GATA6: variants seen among roughly 807,000 people sequenced by gnomAD.
GATA6 encodes transcription factor GATA-6.
GATA6 carries 11 observed loss-of-function variants against 48.1 expected under a neutral mutation model. The ratio of observed to expected loss-of-function variants is 0.23; its 90% CI spans 0.14 to 0.38. The LOEUF is 0.38. GATA6 is among the 10% of genes least tolerant of loss of function. The pLI is 1.00. For missense variants in GATA6, 795 were observed against 850.3 expected, an observed-to-expected ratio of 0.93 and a Z score of 0.81; for synonymous variants, 419 against 396.1, an observed-to-expected ratio of 1.06 and a Z score of -0.69.
At position 22,197,623 on chromosome 18, in the gene GATA6, T is replaced by G. The variant is rs145312591; in HGVS notation, c.1621-3033T>G. ...CAATAGCTTCCCTTTACGGAATGTT[T>G]AACATGGCAAGGCACCTTGCCTTCG... On this transcript the variant is annotated intron_variant, in intron 6 of 6. Coordinates refer to ENST00000269216, the MANE Select transcript of GATA6 (RefSeq NM_005257.6). 2.4e-3 allele frequency among the ~76,000 whole-genome samples: 368 copies of G among 152,332 alleles called. 2 individuals carry two copies. Among genetic ancestry groups the G allele is most frequent in the African/African-American group, 8.5e-3 (354 of 41,588 alleles).
At position 22,202,107 on chromosome 18, in the gene GATA6, T is replaced by C. The variant is rs1457442280; in HGVS notation, c.*1284T>C. 2.6e-5 allele frequency: 4 copies of C among 152,204 alleles called. No homozygotes were observed. Among genetic ancestry groups the C allele is most frequent in the Non-Finnish European group, 5.9e-5 (4 of 68,030 alleles). 9.4% of individuals were successfully genotyped at this position (152,204 alleles called of 1,614,324 possible). On this transcript the variant is annotated 3_prime_UTR_variant, in exon 7 of 7. Transcript: ENST00000269216. ...AGGCCTTCCTTTCAAAGCATAGTCC[T>C]TTTGGAGCCGTTTTGTACCTTTTAT...
chr18:22,201,084 G>A lies in GATA6; in HGVS notation c.*261G>A, dbSNP rs2033457576. ...GACCCTGCTCCACTTCCAGAAGCCA[G>A]GACTAGGACCTGGGCCTTGCCTGCT... is the stretch of plus-strand genomic sequence containing the variant. On this transcript the variant is annotated 3_prime_UTR_variant, in exon 7 of 7. Transcript: ENST00000269216. The A allele has an allele frequency of 1.8e-6, 1 of 559,672 alleles. No individual in the cohort carries two copies. The highest frequency in any genetic ancestry group is 3.1e-5 in the Admixed American group (1 of 32,334). 34.7% of individuals were successfully genotyped at this position (559,672 alleles called of 1,614,324 possible).
At chr18:22,174,314 A>G (rs995444461) in intron 2 of GATA6, among the ~76,000 whole-genome samples, 1 of 152,202 alleles carries the variant, frequency 6.6e-6, no homozygotes, top group Non-Finnish European at 1.5e-5. Flanking sequence ...CCAATCTTCC[A>G]GCATTTCATA....
chr18:22,184,184 C>T (rs1018211088), intron 6 of GATA6, among the ~76,000 whole-genome samples: 11 of 152,110 alleles, frequency 7.2e-5, no homozygotes, highest in Non-Finnish European at 1.6e-4. Context: ...CTTTAACAAA[C>T]AAAAATTAAA....
intron 6 of GATA6, among the ~76,000 whole-genome samples, chr18:22,186,634 G>C (rs752419134): frequency 3.3e-5 from 5 of 152,254 alleles, no homozygotes; most frequent in Admixed American, 6.5e-5. Context: ...TTGTGGAAGG[G>C]GTCTATCGTG....
Position 22,172,269 on chromosome 18 carries a change from T to A in GATA6, c.1125T>A (p.Gly375=), listed in dbSNP as rs1203711555. Residue 375 remains glycine, a synonymous_variant, in exon 2 of 7, where the codon GGT becomes GGA. Transcript: ENST00000269216. The surrounding 1 kb of genome is among the most constrained non-coding windows in gnomAD (Gnocchi z 5.2). ...GAGCCCCGCTCCCGGTGCCCCGGGG[T>A]CCCAGTGCAGGTAAGGGTCGCGCCT... ...RAGAPLPVPR[G]PSADLLEDLS... 8.5e-6 allele frequency: 13 copies of A among 1,532,884 alleles called. No homozygotes were observed. Among genetic ancestry groups the A allele is most frequent in the Admixed American group, 3.9e-5 (2 of 50,938 alleles). 95.0% of individuals were successfully genotyped at this position (1,532,884 alleles called of 1,614,324 possible). A position where few individuals can be genotyped will look rare whatever the true frequency, so the allele number is the denominator to read the frequency against.
chr18:22,181,599 A>G, intron 4 of GATA6, 21 bp downstream of exon 4: 1 of 1,613,648 alleles, frequency 6.2e-7, no homozygotes, highest in Non-Finnish European at 8.5e-7. Context: ...TATTCTGCTC[A>G]CTTGTATATA....
chr18:22,202,090 C>T lies in GATA6; in HGVS notation c.*1267C>T, dbSNP rs1364414851. 6.6e-6 allele frequency: 1 copy of T among 152,176 alleles called. No individual in the cohort carries two copies. The highest frequency in any genetic ancestry group is 2.4e-5 in the African/African-American group (1 of 41,434). The allele number at this position is 152,176 out of a possible 1,614,324, so 9.4% of individuals were successfully genotyped here. Reference sequence around the variant, plus strand: ...GTTTGCAAAATGCTTTAAGGCCTTCCTTTCAAAGCATAGTCCTTTTGGAGC... The same window carrying T: ...GTTTGCAAAATGCTTTAAGGCCTTCTTTTCAAAGCATAGTCCTTTTGGAGC... On this transcript the variant is annotated 3_prime_UTR_variant, in exon 7 of 7. Transcript: ENST00000269216.
chr18:22,199,700 T>C (rs2385473), intron 6 of GATA6, among the ~76,000 whole-genome samples: 83,479 of 151,372 alleles, frequency 0.55, 23,255 homozygotes, highest in African/African-American at 0.61. Flanking sequence ...GTCAGGAGTT[T>C]GAGACCAGCC....
intron 2 of GATA6, among the ~76,000 whole-genome samples, chr18:22,173,303 C>T (rs1333840392): frequency 1.3e-5 from 2 of 152,150 alleles, no homozygotes; most frequent in East Asian, 3.9e-4. Flanking sequence ...GTTTGATAAT[C>T]TTTCTAAGGA....
intron 3 of GATA6, among the ~76,000 whole-genome samples, chr18:22,177,471 TAATC>T (rs2033137945): frequency 6.6e-6 from 1 of 151,852 alleles, no homozygotes; most frequent in Admixed American, 6.6e-5. Flanking sequence ...AAAGAAAAAA[TAATC>T]TATATATCTC....
In GATA6 at chr18:22,177,063, G is replaced by A. The variant is rs1490981624; in HGVS notation, c.1244G>A (p.Gly415Glu). ...GTGHYLCNAC[G>E]LYSKMNGLSR... Reference sequence around the variant, plus strand: ...GGCCACTACCTGTGCAACGCCTGCGGGCTCTACAGCAAGATGAACGGCCTC... The same window carrying A: ...GGCCACTACCTGTGCAACGCCTGCGAGCTCTACAGCAAGATGAACGGCCTC... The change falls in exon 3 of 7, where the codon GGG becomes GAG. Residue 415 changes from glycine to glutamate, a missense_variant. This residue lies in a region of GATA6 where 76 missense variants were observed against 113.1 expected (regional missense o/e 0.67). Transcript: ENST00000269216. 1 of 1,574,150 alleles carries A rather than the reference G, an allele frequency of 6.4e-7. No homozygotes were observed. The highest frequency in any genetic ancestry group is 2.3e-5 in the East Asian group (1 of 42,606).
chr18:22,191,240 C>T (rs2033325445), intron 6 of GATA6, among the ~76,000 whole-genome samples: 1 of 152,104 alleles, frequency 6.6e-6, no homozygotes, highest in Admixed American at 6.6e-5. Context: ...TTATCACTAT[C>T]TGATAGCCAG....
At position 22,177,119 on chromosome 18, in the gene GATA6, G is replaced by T. The variant is rs1177329444; in HGVS notation, c.1300G>T (p.Val434Leu). 3 of 1,547,458 alleles carry T rather than the reference G, an allele frequency of 1.9e-6. No homozygotes were observed. The highest frequency in any genetic ancestry group is 2.0e-5 in the Admixed American group (1 of 51,204). Reference protein sequence around the residue: ...SRPLIKPQKRVPSSRRLGLSC... With the variant: ...SRPLIKPQKRLPSSRRLGLSC... Reference sequence around the variant, plus strand: ...GCCCCTCATCAAGCCGCAGAAGCGCGTGGTGAGTGTGACCCGCCCTGCCCC... The same window carrying T: ...GCCCCTCATCAAGCCGCAGAAGCGCTTGGTGAGTGTGACCCGCCCTGCCCC... The change falls in exon 3 of 7, where the codon GTG becomes TTG. Residue 434 changes from valine to leucine, a missense_variant and splice_region_variant. Transcript: ENST00000269216.
intron 6 of GATA6, among the ~76,000 whole-genome samples, chr18:22,186,832 C>T (rs1172591834): frequency 6.6e-6 from 1 of 152,154 alleles, no homozygotes; most frequent in African/African-American, 2.4e-5. Flanking sequence ...TTCATGAGAC[C>T]TGTGTCTGGG....
intron 6 of GATA6, among the ~76,000 whole-genome samples, chr18:22,196,348 AAGAC>A (rs1165730813): frequency 2.0e-5 from 3 of 152,348 alleles, no homozygotes; most frequent in Admixed American, 2.0e-4. Context: ...GTCTGAAAAA[AAGAC>A]AGGTTATTTT....
At chr18:22,180,677 CTT>C (rs201442589) in intron 3 of GATA6, among the ~76,000 whole-genome samples, 7 of 146,960 alleles carry the variant, frequency 4.8e-5, no homozygotes, top group South Asian at 2.2e-4. Flanking sequence ...AAATATATTT[CTT>C]TTTTTTTTTT....
Position 22,201,018 on chromosome 18 carries a change from C to A in GATA6, c.*195C>A. 1.3e-6 allele frequency: 1 copy of A among 747,586 alleles called. No individual in the cohort carries two copies. The highest frequency in any genetic ancestry group is 2.1e-6 in the Non-Finnish European group (1 of 471,310). The allele number at this position is 747,586 out of a possible 1,614,324, so 46.3% of individuals were successfully genotyped here. A position where few individuals can be genotyped will look rare whatever the true frequency, so the allele number is the denominator to read the frequency against. ...AGATGGAAGGGAAGGGCCAGTGCAA[C>A]TGGGCGCTTGGGCCACTCCAGCCAG... On this transcript the variant is annotated 3_prime_UTR_variant, in exon 7 of 7. Coordinates refer to ENST00000269216, the MANE Select transcript of GATA6 (RefSeq NM_005257.6).
intron 3 of GATA6, among the ~76,000 whole-genome samples, chr18:22,178,119 G>T (rs1016508149): frequency 6.6e-6 from 1 of 151,684 alleles, no homozygotes; most frequent in South Asian, 2.1e-4. Flanking sequence ...GTGCCACCAC[G>T]CCCGGCTCAT....
Sources: allele counts gnomAD v4.1 joint callset (sites outside exome capture counted in the v4.1 genomes callset), GRCh38; gene constraint gnomAD v4.1.1; regional missense constraint gnomAD v4.1.1; non-coding constraint Gnocchi (gnomAD v3.1); transcripts MANE v1.5; gene names NCBI Gene and HGNC (gene_info 2026-07-23, HGNC 2026-07-21).